IPO11: variants seen among roughly 807,000 people sequenced by gnomAD.
The protein encoded by IPO11 is importin-11.
In IPO11, 66 loss-of-function variants were observed where a neutral mutation model predicts 143.2. The ratio of observed to expected loss-of-function variants is 0.46; its 90% confidence interval spans 0.38 to 0.57. The LOEUF is 0.57. Ranked by LOEUF, IPO11 falls within the 20% of genes least tolerant of loss-of-function variation. The pLI is 0.00. For missense variants in IPO11, 1,026 were observed against 1,141.0 expected (o/e 0.90, Z 1.45); for synonymous variants, 385 against 377.8 (o/e 1.02, Z -0.22).
At chr5:62,622,087 C>T (rs2112483246) in intron 29 of IPO11, among the ~76,000 whole-genome samples, 1 of 151,736 alleles carries the variant, frequency 6.6e-6, no homozygotes, top group African/African-American at 2.4e-5. Context: ...AGCCTGTTGT[C>T]TATATTCTTT....
chr5:62,427,726 C>A (rs1743808961), intron 1 of IPO11, among the ~76,000 whole-genome samples: 2 of 152,162 alleles, frequency 1.3e-5, no homozygotes, highest in Admixed American at 6.5e-5. Flanking sequence ...ATCCAGAAAC[C>A]ATCCCCCCCT....
intron 12 of IPO11, 50 bp from the exon 13 acceptor site, chr5:62,487,721 A>G (rs1315666752): frequency 7.5e-6 from 11 of 1,469,382 alleles, no homozygotes; most frequent in South Asian, 1.5e-5. Flanking sequence ...GAATTAGTCA[A>G]TATAGTATGC....
intron 1 of IPO11, among the ~76,000 whole-genome samples, chr5:62,424,758 T>C (rs978866857): frequency 6.6e-6 from 1 of 152,130 alleles, no homozygotes; most frequent in Non-Finnish European, 1.5e-5. Context: ...TTTGTTCTTA[T>C]CTTAAATGTG....
intron 20 of IPO11, among the ~76,000 whole-genome samples, chr5:62,521,193 C>A (rs940801934): frequency 3.9e-5 from 6 of 152,188 alleles, no homozygotes; most frequent in African/African-American, 1.4e-4. Flanking sequence ...CGCATCATGT[C>A]ATATCTTTTC....
intron 22 of IPO11, 85 bp from the exon 23 acceptor site, chr5:62,536,617 T>C: frequency 6.8e-7 from 1 of 1,463,962 alleles, no homozygotes; most frequent in African/African-American, 1.5e-5. Flanking sequence ...AAATTAGTTT[T>C]AAATAACTAT....
At chr5:62,535,244 T>A (rs1459669679) in intron 22 of IPO11, among the ~76,000 whole-genome samples, 5 of 151,958 alleles carry the variant, frequency 3.3e-5, no homozygotes, top group Non-Finnish European at 7.4e-5. Context: ...TTTTAAACAT[T>A]GATTTTGATA....
chr5:62,605,620 T>G (rs1208892139), intron 29 of IPO11, among the ~76,000 whole-genome samples: 3 of 151,926 alleles, frequency 2.0e-5, no homozygotes, highest in Non-Finnish European at 4.4e-5. Flanking sequence ...TTTTTTGAAA[T>G]CTGACTCATA....
At chr5:62,506,109 G>C in intron 18 of IPO11, 132 bp from the exon 19 acceptor site, 1 of 521,148 alleles carries the variant, frequency 1.9e-6, no homozygotes, top group Non-Finnish European at 3.4e-6. Flanking sequence ...TTTAGGTAAT[G>C]CCAAGCTTTT....
At chr5:62,472,788 C>T (rs1393586502) in intron 7 of IPO11, among the ~76,000 whole-genome samples, 2 of 152,088 alleles carry the variant, frequency 1.3e-5, no homozygotes, top group African/African-American at 4.8e-5. Context: ...CTCGGCCTCC[C>T]AAAGTTCTGG....
intron 26 of IPO11, among the ~76,000 whole-genome samples, chr5:62,560,346 T>C (rs970773504): frequency 1.6e-4 from 24 of 152,324 alleles, no homozygotes; most frequent in African/African-American, 5.8e-4. Flanking sequence ...GGCTGGAAAC[T>C]CAGGCAGGAT....
At chr5:62,604,185 G>A (rs1485669823) in intron 29 of IPO11, among the ~76,000 whole-genome samples, 1 of 152,076 alleles carries the variant, frequency 6.6e-6, no homozygotes, top group African/African-American at 2.4e-5. Context: ...TTTTTCCTTT[G>A]AAATTAAACT....
At chr5:62,580,149 T>C in intron 27 of IPO11, 1 of 1,551,168 alleles carries the variant, frequency 6.4e-7, no homozygotes, top group Non-Finnish European at 8.7e-7. Context: ...CTTTGTCTCA[T>C]AATCCTATTG....
intron 26 of IPO11, among the ~76,000 whole-genome samples, chr5:62,556,249 C>T (rs774090105): frequency 9.2e-5 from 14 of 152,144 alleles, no homozygotes; most frequent in Non-Finnish European, 1.8e-4. Flanking sequence ...TGCTTGAACC[C>T]AGGAGGCAGA....
At chr5:62,584,475 T>C (rs539994876) in intron 27 of IPO11, among the ~76,000 whole-genome samples, 1 of 151,848 alleles carries the variant, frequency 6.6e-6, no homozygotes, top group African/African-American at 2.4e-5. Flanking sequence ...AATCTGGGTG[T>C]GGTGGCCTGT....
intron 16 of IPO11, among the ~76,000 whole-genome samples, chr5:62,501,503 C>A (rs1273368381): frequency 1.3e-5 from 2 of 151,880 alleles, no homozygotes; most frequent in Non-Finnish European, 2.9e-5. Flanking sequence ...ATGAAAATGA[C>A]CTTGAGAATT....
At chr5:62,475,698 T>C (rs1318109877) in intron 8 of IPO11, among the ~76,000 whole-genome samples, 6 of 152,240 alleles carry the variant, frequency 3.9e-5, no homozygotes, top group Admixed American at 6.5e-5. Context: ...CACTGTGATA[T>C]AACTTTCTGT....
chr5:62,516,324 C>T (rs150278982), intron 20 of IPO11, among the ~76,000 whole-genome samples: 7 of 152,014 alleles, frequency 4.6e-5, no homozygotes, highest in African/African-American at 1.2e-4. Context: ...GACGGAGTCT[C>T]GCTCTGTTGC....
chr5:62,499,189 G>A (rs1448390238), intron 16 of IPO11, among the ~76,000 whole-genome samples: 3 of 152,168 alleles, frequency 2.0e-5, no homozygotes, highest in African/African-American at 7.2e-5. Context: ...ACATCATAGA[G>A]TGTGCTTTTA....
chr5:62,525,420 T>C (rs767559071), intron 20 of IPO11, among the ~76,000 whole-genome samples: 2 of 151,728 alleles, frequency 1.3e-5, no homozygotes, highest in Non-Finnish European at 2.9e-5. Flanking sequence ...TGCTTTATCA[T>C]GTAGGTTGGA....
Sources: gnomAD v4.1 joint callset for allele counts (sites outside exome capture counted in the v4.1 genomes callset) on GRCh38, gnomAD v4.1.1 for gene constraint, MANE v1.5 for transcripts, NCBI Gene and HGNC (gene_info 2026-07-23, HGNC 2026-07-21) for gene names.